FAM228B: variants seen among roughly 807,000 people sequenced by gnomAD.
FAM228B encodes the protein protein FAM228B.
Under a neutral mutation model 42.6 loss-of-function variants are expected in FAM228B, and 38 were observed. The observed-to-expected ratio is 0.89, with a 90% CI of 0.69 to 1.17. FAM228B has a LOEUF of 1.17. FAM228B is among the 50% of genes most tolerant of loss of function. The pLI is 0.00. For synonymous variants in FAM228B, 109 were observed against 122.3 expected (o/e 0.89, Z 0.72); for missense variants, 344 against 367.3 (o/e 0.94, Z 0.52).
intron 5 of FAM228B, among the ~76,000 whole-genome samples, chr2:24,143,187 G>GT (rs1666797312): frequency 1.3e-5 from 2 of 151,058 alleles, no homozygotes; most frequent in Non-Finnish European, 3.0e-5. Flanking sequence ...TTTTTGGTTT[G>GT]TTTTTGTTTT....
At chr2:24,133,976 A>C (rs1344643759) in intron 2 of FAM228B, among the ~76,000 whole-genome samples, 1 of 152,102 alleles carries the variant, frequency 6.6e-6, no homozygotes, top group Non-Finnish European at 1.5e-5. Context: ...CTAATGATAA[A>C]TAAATTTGTT....
chr2:24,123,805 G>A (rs1666217436), intron 1 of FAM228B, among the ~76,000 whole-genome samples: 1 of 152,168 alleles, frequency 6.6e-6, no homozygotes, highest in African/African-American at 2.4e-5. Flanking sequence ...GGGAGGAAGG[G>A]CCGGGAGTGG....
intron 3 of FAM228B, among the ~76,000 whole-genome samples, chr2:24,108,357 C>T (rs1413110915): frequency 6.6e-6 from 1 of 152,058 alleles, no homozygotes; most frequent in Non-Finnish European, 1.5e-5. Context: ...CAAATTCTAC[C>T]TGATGTATAA....
chr2:24,105,601 C>G (rs568369814), intron 3 of FAM228B, among the ~76,000 whole-genome samples: 1 of 152,274 alleles, frequency 6.6e-6, no homozygotes, highest in South Asian at 2.1e-4. Context: ...AGCAAGGGTT[C>G]TTAACTGGGC....
At chr2:24,124,492 T>A (rs1203041674) in intron 2 of FAM228B, 32 bp downstream of exon 2, 1 of 1,413,822 alleles carries the variant, frequency 7.1e-7, no homozygotes, top group Non-Finnish European at 9.6e-7. Context: ...ATTTGGAGAT[T>A]TTTTTACTTG....
chr2:24,077,599 C>A lies in FAM228B; in HGVS notation c.-290+630C>A. 1 of 1,613,684 alleles carries A rather than the reference C, an allele frequency of 6.2e-7. No individual in the cohort carries two copies. ...CTCCTTCACTGGGGCAGTTCCAGGA[C>A]GATCTTGCCTATGTTCTTGTTGGCC... On this transcript the variant is annotated intron_variant, in intron 1 of 10. Transcript: ENST00000613899. The surrounding 1 kb of genome is among the most constrained non-coding windows in gnomAD (Gnocchi z 5.5).
upstream of FAM228B, chr2:24,121,375 G>GT (rs1310257344): frequency 7.2e-6 from 10 of 1,396,422 alleles, no homozygotes; most frequent in Non-Finnish European, 9.8e-6. Context: ...CCCACTACCT[G>GT]TTTTTTATGG....
chr2:24,088,361 C>A (rs934145256), intron 2 of FAM228B, among the ~76,000 whole-genome samples: 1 of 144,776 alleles, frequency 6.9e-6, no homozygotes, highest in Non-Finnish European at 1.5e-5. Flanking sequence ...ATATATATAT[C>A]TTTTTTTGAG....
rs989683834 is a variant in FAM228B at position 24,167,499 on chromosome 2, T to C, written c.933-128T>C. The C allele has an allele frequency of 1.9e-5, 23 of 1,184,242 alleles. No homozygotes were observed. The South Asian group carries it at 2.4e-4, about 12-fold the overall frequency. The allele number at this position is 1,184,242 out of a possible 1,614,324, so 73.4% of individuals were successfully genotyped here. A position where few individuals can be genotyped will look rare whatever the true frequency, so the allele number is the denominator to read the frequency against. On this transcript the variant is annotated intron_variant, in intron 9 of 10. Coordinates refer to ENST00000615575, the MANE Select transcript of FAM228B (RefSeq NM_001145710.2). The stretch of plus-strand genomic sequence containing the variant: ...TCCATTTAAACCTGTTCTGTTGGGG[T>C]TGGTTCTTCTCCTGCCCTGGGCATT...
intron 3 of FAM228B, among the ~76,000 whole-genome samples, chr2:24,100,669 T>C (rs1200303094): frequency 6.6e-6 from 1 of 152,168 alleles, no homozygotes; most frequent in African/African-American, 2.4e-5. Context: ...TTGGTGGGAG[T>C]GTAAATTAGT....
chr2:24,131,916 A>G (rs1444545155), intron 2 of FAM228B, among the ~76,000 whole-genome samples: 1 of 152,196 alleles, frequency 6.6e-6, no homozygotes, highest in African/African-American at 2.4e-5. Context: ...CTGGTTTTCA[A>G]AGGAAATGCT....
upstream of FAM228B, chr2:24,119,666 A>G (rs762981258): frequency 2.5e-6 from 4 of 1,611,388 alleles, no homozygotes; most frequent in South Asian, 3.3e-5. Flanking sequence ...CTTCACGACA[A>G]CCACACCAGT....
chr2:24,168,588 G>T (rs1667485418), intron 10 of FAM228B, among the ~76,000 whole-genome samples: 1 of 152,204 alleles, frequency 6.6e-6, no homozygotes, highest in Non-Finnish European at 1.5e-5. Context: ...GGGTGAGGAA[G>T]TGGAGACAGA....
intron 3 of FAM228B, chr2:24,115,253 TG>T: frequency 8.0e-6 from 2 of 250,946 alleles, no homozygotes; most frequent in South Asian, 1.4e-4. Context: ...GGATAAAGAG[TG>T]GTGAGAGCCT....
intron 5 of FAM228B, among the ~76,000 whole-genome samples, chr2:24,141,587 T>C (rs1666748109): frequency 6.7e-6 from 1 of 150,342 alleles, no homozygotes; most frequent in Admixed American, 6.6e-5. Context: ...ACCATGTTGA[T>C]CAGGCTGGTC....
At chr2:24,107,069 A>G (rs528937286) in intron 3 of FAM228B, among the ~76,000 whole-genome samples, 1 of 152,352 alleles carries the variant, frequency 6.6e-6, no homozygotes, top group East Asian at 1.9e-4. Context: ...GCTCAAAATA[A>G]AAGGATGGAG....
chr2:24,091,057 C>G (rs1445149116), intron 2 of FAM228B, among the ~76,000 whole-genome samples: 1 of 151,842 alleles, frequency 6.6e-6, no homozygotes, highest in Non-Finnish European at 1.5e-5. Context: ...TTAGTCAATA[C>G]AATAAGATAA....
chr2:24,153,227 CCTTTCCT>C (rs1229894197), intron 7 of FAM228B, among the ~76,000 whole-genome samples: 3 of 152,126 alleles, frequency 2.0e-5, no homozygotes, highest in Admixed American at 2.0e-4. Flanking sequence ...AACAAAGTTC[CCTTTCCT>C]CTTTCCTCTG....
intron 3 of FAM228B, among the ~76,000 whole-genome samples, chr2:24,115,058 G>C (rs1046275847): frequency 6.6e-6 from 1 of 152,200 alleles, no homozygotes; most frequent in African/African-American, 2.4e-5. Flanking sequence ...AAGTCTCACC[G>C]GGGTGATGTG....
Sources: allele counts gnomAD v4.1 joint callset (sites outside exome capture counted in the v4.1 genomes callset), GRCh38; gene constraint gnomAD v4.1.1; non-coding constraint Gnocchi (gnomAD v3.1); transcripts MANE v1.5; gene names NCBI Gene and HGNC (gene_info 2026-07-23, HGNC 2026-07-21).